Variants in FAM222B observed in about 807,000 individuals in gnomAD.
The protein encoded by FAM222B is family with sequence similarity 222 member B, also known as protein FAM222B.
In FAM222B, 12 loss-of-function variants were observed where a neutral mutation model predicts 38.0. The observed-to-expected ratio is 0.32, with a 90% CI of 0.20 to 0.51. The LOEUF is 0.51. Ranked by LOEUF, FAM222B falls within the 20% of genes least tolerant of loss-of-function variation. The pLI, the probability that FAM222B is intolerant of heterozygous loss-of-function variation, is 0.97. For synonymous variants in FAM222B, 329 were observed against 317.2 expected (o/e 1.04, Z -0.40); for missense variants, 716 against 754.2 (o/e 0.95, Z 0.59).
intron 1 of FAM222B, among the ~76,000 whole-genome samples, chr17:28,823,360 C>A (rs896393811): frequency 7.2e-6 from 1 of 139,548 alleles, no homozygotes; most frequent in African/African-American, 2.6e-5. Context: ...CCACTCCGTT[C>A]TATTTTTTTT....
chr17:28,791,723 G>T (rs2151873389), intron 1 of FAM222B, among the ~76,000 whole-genome samples: 1 of 142,738 alleles, frequency 7.0e-6, no homozygotes, highest in East Asian at 2.1e-4. Context: ...GCTGGAGTGC[G>T]ATCTCGGCTC....
chr17:28,828,678 G>C (rs2038532804), intron 1 of FAM222B, among the ~76,000 whole-genome samples: 1 of 151,802 alleles, frequency 6.6e-6, no homozygotes, highest in South Asian at 2.1e-4. Flanking sequence ...TATTAAAAAA[G>C]AAAATTAAGC....
chr17:28,849,435 C>T (rs1462521046), intron 1 of FAM222B: 2 of 152,392 alleles, frequency 1.3e-5, no homozygotes, highest in Non-Finnish European at 1.5e-5. Context: ...TCTCTACACT[C>T]CAGGAACTCA....
chr17:28,790,411 ACTCC>A (rs1448807070), intron 1 of FAM222B: 4 of 152,168 alleles, frequency 2.6e-5, no homozygotes, highest in African/African-American at 9.7e-5. Context: ...ACACAGCATC[ACTCC>A]TGTGATATTC....
At chr17:28,837,189 G>A (rs1200983372) in intron 1 of FAM222B, among the ~76,000 whole-genome samples, 2 of 152,018 alleles carry the variant, frequency 1.3e-5, no homozygotes, top group Non-Finnish European at 1.5e-5. Context: ...CCTGCACTTT[G>A]GAAGGCTGAG....
chr17:28,813,417 G>C (rs1172908918), intron 1 of FAM222B, among the ~76,000 whole-genome samples: 1 of 152,076 alleles, frequency 6.6e-6, no homozygotes, highest in Non-Finnish European at 1.5e-5. Flanking sequence ...GATCCTTTTT[G>C]CTATAAAGTA....
chr17:28,799,297 CT>C (rs35660613), intron 1 of FAM222B, among the ~76,000 whole-genome samples: 24,510 of 110,836 alleles, frequency 0.22, 2,000 homozygotes, highest in South Asian at 0.27. Context: ...CACAGAAAAA[CT>C]TTTTTTTTTT....
intron 1 of FAM222B, among the ~76,000 whole-genome samples, chr17:28,811,821 T>C (rs2037779755): frequency 6.6e-6 from 1 of 152,186 alleles, no homozygotes; most frequent in Non-Finnish European, 1.5e-5. Flanking sequence ...ATCAAGGCAG[T>C]CCCAAGGAGG....
At chr17:28,842,976 AG>A (rs1203544378), upstream of FAM222B, 2 of 152,286 alleles carry the variant, frequency 1.3e-5, no homozygotes, top group African/African-American at 4.8e-5. Context: ...CGGCTGCCTC[AG>A]GGTACGCCTC....
intron 1 of FAM222B, among the ~76,000 whole-genome samples, chr17:28,771,440 G>A (rs2035628045): frequency 6.6e-6 from 1 of 152,168 alleles, no homozygotes; most frequent in Non-Finnish European, 1.5e-5. Flanking sequence ...CCAGCACTTT[G>A]GGAGGCCGAG....
At chr17:28,813,851 T>G (rs1438365294) in intron 1 of FAM222B, among the ~76,000 whole-genome samples, 1 of 151,136 alleles carries the variant, frequency 6.6e-6, no homozygotes, top group African/African-American at 2.4e-5. Context: ...CGGCATGGAA[T>G]AGGACATTTT....
At chr17:28,837,169 G>A (rs1454528015) in intron 1 of FAM222B, among the ~76,000 whole-genome samples, 4 of 151,792 alleles carry the variant, frequency 2.6e-5, no homozygotes, top group South Asian at 2.1e-4. Flanking sequence ...GGTGGCTCAC[G>A]CCTGTAATCC....
chr17:28,822,832 AAT>A (rs1254235399), intron 1 of FAM222B, among the ~76,000 whole-genome samples: 3,322 of 42,692 alleles, frequency 0.078, 263 homozygotes, highest in Non-Finnish European at 0.09. Flanking sequence ...AAAAAAAAAA[AAT>A]ATATATATAT....
intron 1 of FAM222B, among the ~76,000 whole-genome samples, chr17:28,784,340 G>A (rs2036296383): frequency 6.6e-6 from 1 of 151,282 alleles, no homozygotes; most frequent in Admixed American, 6.6e-5. Context: ...GCCAAGTGTG[G>A]TGGCATAAAC....
upstream of FAM222B, among the ~76,000 whole-genome samples, chr17:28,847,214 G>A (rs1311543749): frequency 1.3e-5 from 2 of 150,618 alleles, no homozygotes; most frequent in Non-Finnish European, 3.0e-5. Context: ...CAGAGACTCC[G>A]TCTCAAAAGA....
intron 1 of FAM222B, among the ~76,000 whole-genome samples, chr17:28,822,171 G>A (rs1385479145): frequency 1.3e-5 from 2 of 149,352 alleles, no homozygotes; most frequent in African/African-American, 2.4e-5. Flanking sequence ...ACGGGCACGC[G>A]CCACCACACC....
At position 28,758,842 on chromosome 17, in the gene FAM222B, G is replaced by C. The variant is rs368465145; in HGVS notation, c.1117C>G (p.Leu373Val). Reference sequence around the variant, plus strand: ...CTAGCCTCGCTGCACATCTGCTGTAGGTGGGCCAGCTGGTGCTGGTTCCAG... The same window carrying C: ...CTAGCCTCGCTGCACATCTGCTGTACGTGGGCCAGCTGGTGCTGGTTCCAG... ...VTWNQHQLAH[L>V]QQMCSEASGT... is the part of the protein sequence containing the mutation. Residue 373 changes from leucine (L) to valine (V), a missense_variant, in exon 3 of 3, where the codon CTA becomes GTA. Leu to Val is a conservative substitution (Grantham distance 32). Coordinates refer to ENST00000581407, the MANE Select transcript of FAM222B (RefSeq NM_001077498.3). 6.2e-6 allele frequency: 10 copies of C among 1,602,734 alleles called. No homozygotes were observed. Among genetic ancestry groups the C allele is most frequent in the Non-Finnish European group, 8.5e-6 (10 of 1,175,408 alleles).
chr17:28,769,425 C>G (rs1026070958), intron 1 of FAM222B, among the ~76,000 whole-genome samples: 1 of 152,056 alleles, frequency 6.6e-6, no homozygotes, highest in Non-Finnish European at 1.5e-5. Flanking sequence ...TCATGATCCG[C>G]CCGCCTCGGC....
intron 1 of FAM222B, among the ~76,000 whole-genome samples, chr17:28,780,772 C>G (rs2151838958): frequency 1.3e-5 from 2 of 152,050 alleles, no homozygotes; most frequent in Middle Eastern, 6.8e-3. Context: ...ATACCAGCTA[C>G]TCGGAAGGCT....
Sources: gnomAD v4.1 joint callset for allele counts (sites outside exome capture counted in the v4.1 genomes callset) on GRCh38, gnomAD v4.1.1 for gene constraint, MANE v1.5 for transcripts, NCBI Gene and HGNC (gene_info 2026-07-23, HGNC 2026-07-21) for gene names.